The following TSPAN9 variants were observed in gnomAD, a reference collection of about 807,000 sequenced individuals.
TSPAN9 encodes tetraspanin-9.
In TSPAN9, 16 loss-of-function variants were observed where a neutral mutation model predicts 31.0. The observed-to-expected ratio is 0.52, with a 90% CI of 0.35 to 0.78. The LOEUF (loss-of-function observed/expected upper bound fraction) is 0.78. Ranked by LOEUF, TSPAN9 falls within the 30% of genes least tolerant of loss-of-function variation. TSPAN9 has a pLI of 0.01. For missense variants in TSPAN9, 272 were observed against 312.5 expected (o/e 0.87, Z 0.98); for synonymous variants, 145 against 121.6 (o/e 1.19, Z -1.27).
At position 3,265,506 on chromosome 12, in the gene TSPAN9, A is replaced by G. The variant is rs1410066476; in HGVS notation, c.64-12915A>G. Among the ~76,000 whole-genome samples the G allele has an allele frequency of 3.9e-5, 6 of 152,192 alleles. No individual in the cohort carries two copies. In the East Asian group the frequency reaches 1.2e-3, roughly 29 times the overall value. On this transcript the variant is annotated intron_variant, in intron 3 of 8. Coordinates refer to ENST00000011898, the MANE Select transcript of TSPAN9 (RefSeq NM_006675.5). Reference sequence around the variant, plus strand: ...GGTCCACTGAGCTGCAAATTTGTTTATTTTGTTCCTCCTTGCTTCCTCTTG... The same window carrying G: ...GGTCCACTGAGCTGCAAATTTGTTTGTTTTGTTCCTCCTTGCTTCCTCTTG...
chr12:3,278,034 C>T (rs1862821829), intron 3 of TSPAN9, among the ~76,000 whole-genome samples: 2 of 152,214 alleles, frequency 1.3e-5, no homozygotes, highest in Non-Finnish European at 2.9e-5. Context: ...CCCCTCTCAC[C>T]AGGCCTCCGT....
At chr12:3,278,280 C>T in intron 3 of TSPAN9, 141 bp from the exon 4 acceptor site, 4 of 1,205,096 alleles carry the variant, frequency 3.3e-6, no homozygotes, top group Non-Finnish European at 4.6e-6. Context: ...GGGTCTGCAG[C>T]CCAACGGTAG....
chr12:3,176,160 G>T (rs932166898), intron 2 of TSPAN9, among the ~76,000 whole-genome samples: 5 of 152,160 alleles, frequency 3.3e-5, no homozygotes, highest in African/African-American at 1.2e-4. Flanking sequence ...CTAGGTTCTG[G>T]GATTGAAAGA....
At chr12:3,276,245 G>A (rs988882552) in intron 3 of TSPAN9, among the ~76,000 whole-genome samples, 11 of 152,130 alleles carry the variant, frequency 7.2e-5, no homozygotes, top group African/African-American at 2.2e-4. Flanking sequence ...TCCCGCGGTC[G>A]CTTCTCCAAA....
At chr12:3,205,317 C>T (rs764488492) in intron 3 of TSPAN9, among the ~76,000 whole-genome samples, 3 of 152,200 alleles carry the variant, frequency 2.0e-5, no homozygotes, top group Non-Finnish European at 4.4e-5. Context: ...GTTCAGCCAG[C>T]CTGCTGGAAC....
intron 2 of TSPAN9, among the ~76,000 whole-genome samples, chr12:3,096,216 C>T (rs971137670): frequency 1.3e-5 from 2 of 152,216 alleles, no homozygotes; most frequent in African/African-American, 4.8e-5. Flanking sequence ...ATAGATACTG[C>T]CACATCCTAA....
At chr12:3,166,858 G>A (rs775190567) in intron 2 of TSPAN9, among the ~76,000 whole-genome samples, 3 of 152,070 alleles carry the variant, frequency 2.0e-5, no homozygotes, top group Admixed American at 1.3e-4. Flanking sequence ...ATGTGGTGGC[G>A]CGATCTCGGC....
intron 3 of TSPAN9, among the ~76,000 whole-genome samples, chr12:3,219,239 T>G (rs932139085): frequency 6.6e-6 from 1 of 152,082 alleles, no homozygotes; most frequent in African/African-American, 2.4e-5. Context: ...TAGACTCAGT[T>G]TTGTTTCTTT....
chr12:3,175,642 C>T (rs754335554), intron 2 of TSPAN9, among the ~76,000 whole-genome samples: 8 of 152,126 alleles, frequency 5.3e-5, no homozygotes, highest in African/African-American at 1.4e-4. Flanking sequence ...GCCCCAGGGT[C>T]GCGGGAGGGA....
chr12:3,223,959 A>C (rs962151397), intron 3 of TSPAN9, among the ~76,000 whole-genome samples: 1 of 152,182 alleles, frequency 6.6e-6, no homozygotes, highest in Non-Finnish European at 1.5e-5. Context: ...TGTCCTGGGC[A>C]TCTGGACACG....
rs1264551327 is a variant in TSPAN9, at chr12:3,281,340, G to T, written c.564+11G>T. The T allele has an allele frequency of 6.5e-7, 1 of 1,546,440 alleles. No individual in the cohort carries two copies. The highest frequency in any genetic ancestry group is 1.2e-5 in the South Asian group (1 of 83,698). ...CCTTTGTGGAGAACGGTGAGGCTGG[G>T]GATGGACCGCTTGGGTCCAAGAGCC... On this transcript the variant is annotated intron_variant, in intron 7 of 8. Coordinates refer to ENST00000011898, the MANE Select transcript of TSPAN9 (RefSeq NM_006675.5).
intron 3 of TSPAN9, among the ~76,000 whole-genome samples, chr12:3,265,038 C>T (rs943160355): frequency 2.9e-4 from 44 of 152,146 alleles, no homozygotes; most frequent in African/African-American, 7.7e-4. Flanking sequence ...CCAGCTGGCC[C>T]GGCTATTCCC....
intron 2 of TSPAN9, among the ~76,000 whole-genome samples, chr12:3,116,351 G>A (rs2098322416): frequency 6.6e-6 from 1 of 152,196 alleles, no homozygotes; most frequent in South Asian, 2.1e-4. Context: ...TTTCTCATTG[G>A]TAAAAGGGAT....
At chr12:3,115,434 T>C (rs1216544859) in intron 2 of TSPAN9, among the ~76,000 whole-genome samples, 2 of 152,224 alleles carry the variant, frequency 1.3e-5, no homozygotes, top group South Asian at 2.1e-4. Context: ...TTCAGTTCTC[T>C]TGGGCAAATA....
chr12:3,172,594 G>T lies in TSPAN9; in HGVS notation c.-17-28583G>T, dbSNP rs1264128940. ...TTTTCACTGACGTTTGGTTGGCCCT[G>T]CCAGCGGTGCTCACGAGGCCCACTC... On this transcript the variant is annotated intron_variant, in intron 2 of 8. Transcript: ENST00000011898. This position sits in a 1 kb window ranked among gnomAD's most constrained non-coding sequence, Gnocchi z 4.8. 6.6e-6 allele frequency: 1 copy of T among 152,276 alleles called. No individual in the cohort carries two copies. Among genetic ancestry groups the T allele is most frequent in the Admixed American group, 6.5e-5 (1 of 15,282 alleles). The allele number at this position is 152,276 out of a possible 1,614,324, so 9.4% of individuals were successfully genotyped here. A position where few individuals can be genotyped will look rare whatever the true frequency, so the allele number is the denominator to read the frequency against.
chr12:3,148,338 C>G (rs541186392), intron 2 of TSPAN9, among the ~76,000 whole-genome samples: 3 of 152,332 alleles, frequency 2.0e-5, no homozygotes, highest in Admixed American at 6.5e-5. Context: ...TTTAGTGGAA[C>G]CAAGTTTTGG....
chr12:3,151,336 T>C (rs908954872), intron 2 of TSPAN9: 4 of 152,282 alleles, frequency 2.6e-5, no homozygotes, highest in Non-Finnish European at 5.9e-5. Context: ...CTGCACTGTA[T>C]GTAATTGGGC....
intron 3 of TSPAN9, among the ~76,000 whole-genome samples, chr12:3,234,269 T>C (rs2098392210): frequency 6.6e-6 from 1 of 152,364 alleles, no homozygotes; most frequent in African/African-American, 2.4e-5. Context: ...GATTGTCTAG[T>C]TGAAATTCCA....
chr12:3,197,029 A>G (rs961311243), intron 2 of TSPAN9, among the ~76,000 whole-genome samples: 1 of 152,100 alleles, frequency 6.6e-6, no homozygotes, highest in Non-Finnish European at 1.5e-5. Context: ...AGCCCCTCCA[A>G]TTTGTTCAGT....
Sources: allele counts gnomAD v4.1 joint callset (sites outside exome capture counted in the v4.1 genomes callset), GRCh38; gene constraint gnomAD v4.1.1; non-coding constraint Gnocchi (gnomAD v3.1); transcripts MANE v1.5; gene names NCBI Gene and HGNC (gene_info 2026-07-23, HGNC 2026-07-21).